EML4: variants seen among roughly 807,000 people sequenced by gnomAD.
EML4 encodes echinoderm microtubule-associated protein-like 4.
Under a neutral mutation model 129.0 loss-of-function variants are expected in EML4, and 72 were observed. The ratio of observed to expected loss-of-function variants is 0.56; its 90% CI spans 0.46 to 0.68. The LOEUF (loss-of-function observed/expected upper bound fraction) is 0.68, where lower values mean the gene tolerates loss of function less well. EML4 is among the 30% of genes least tolerant of loss of function. EML4 has a pLI of 0.00. For synonymous variants in EML4, 532 were observed against 405.0 expected (o/e 1.31, Z -3.77); for missense variants, 1,363 against 1,190.6 (o/e 1.14, Z -2.13).
At chr2:42,239,327 AAC>A (rs1674871237) in intron 1 of EML4, among the ~76,000 whole-genome samples, 1 of 152,216 alleles carries the variant, frequency 6.6e-6, no homozygotes, top group Admixed American at 6.5e-5. Context: ...TTTATAATGA[AAC>A]ACAATATACT....
intron 6 of EML4, among the ~76,000 whole-genome samples, chr2:42,275,046 C>A (rs1047532320): frequency 6.6e-6 from 1 of 152,146 alleles, no homozygotes; most frequent in Non-Finnish European, 1.5e-5. Context: ...ACTGGACTAG[C>A]CTGAGGCCCT....
chr2:42,183,301 G>C (rs1671053301), intron 1 of EML4, among the ~76,000 whole-genome samples: 1 of 152,200 alleles, frequency 6.6e-6, no homozygotes. Flanking sequence ...TATCATGAGG[G>C]GAGATAGACA....
chr2:42,203,748 T>C (rs1401723384), intron 1 of EML4, among the ~76,000 whole-genome samples: 4 of 150,986 alleles, frequency 2.6e-5, no homozygotes, highest in Admixed American at 6.6e-5. Flanking sequence ...ATTGATAATA[T>C]ACTTCTATGC....
At chr2:42,303,769 C>G (rs980015594) in intron 16 of EML4, among the ~76,000 whole-genome samples, 4 of 151,922 alleles carry the variant, frequency 2.6e-5, no homozygotes, top group Non-Finnish European at 4.4e-5. Flanking sequence ...AGTAAAAATA[C>G]AAAAAATTAG....
At chr2:42,228,350 G>C (rs930339128) in intron 1 of EML4, among the ~76,000 whole-genome samples, 4 of 152,196 alleles carry the variant, frequency 2.6e-5, no homozygotes, top group African/African-American at 7.2e-5. Flanking sequence ...GATCGACATA[G>C]TTTTAGGAAT....
intron 17 of EML4, among the ~76,000 whole-genome samples, chr2:42,304,769 AG>A (rs769853489): frequency 2.0e-4 from 30 of 152,216 alleles, no homozygotes; most frequent in Non-Finnish European, 2.4e-4. Flanking sequence ...AGAATACATC[AG>A]AAAACAAAAC....
At chr2:42,306,578 C>T (rs1227310210) in intron 17 of EML4, among the ~76,000 whole-genome samples, 12 of 143,874 alleles carry the variant, frequency 8.3e-5, no homozygotes, top group East Asian at 2.2e-4. Context: ...CAGCAAGTTC[C>T]GCCTCCTGGG....
At chr2:42,188,827 A>T (rs997681209) in intron 1 of EML4, among the ~76,000 whole-genome samples, 1 of 152,048 alleles carries the variant, frequency 6.6e-6, no homozygotes, top group Non-Finnish European at 1.5e-5. Context: ...TGCCCAGCCT[A>T]CTTTTAAAAT....
rs1479338287 is a variant in EML4 at position 42,236,672 on chromosome 2, C to CCT, written c.26-8833_26-8832insCT. The stretch of plus-strand genomic sequence containing the variant: ...ACTCCTACTTTAGGTTAGGGTAACA[C>CCT]AGTGGAATTGCTGGGTCATAGGATG... On this transcript the variant is annotated intron_variant, in intron 1 of 22. Transcript: ENST00000318522. Among the ~76,000 whole-genome samples the CCT allele has an allele frequency of 2.5e-3, 388 of 152,256 alleles. 2 individuals carry two copies. Among genetic ancestry groups the CCT allele is most frequent in the South Asian group, 3.9e-3 (19 of 4,816 alleles).
chr2:42,194,559 AGGCT>A (rs1338833924), intron 1 of EML4, among the ~76,000 whole-genome samples: 3 of 150,690 alleles, frequency 2.0e-5, no homozygotes, highest in Non-Finnish European at 3.0e-5. Flanking sequence ...CCTGTTGCCC[AGGCT>A]GGAGTGCAGT....
chr2:42,276,456 T>A (rs1666662023), intron 6 of EML4, among the ~76,000 whole-genome samples: 1 of 152,178 alleles, frequency 6.6e-6, no homozygotes, highest in Admixed American at 6.5e-5. Flanking sequence ...AATGAATTTG[T>A]GTTGTTTTAA....
chr2:42,305,049 A>G (rs1259933288), intron 17 of EML4, among the ~76,000 whole-genome samples: 4 of 151,980 alleles, frequency 2.6e-5, no homozygotes, highest in African/African-American at 7.2e-5. Flanking sequence ...AACCTGGGAG[A>G]CAGTTGCAGT....
intron 1 of EML4, among the ~76,000 whole-genome samples, chr2:42,188,656 A>T (rs963670709): frequency 1.3e-5 from 2 of 151,568 alleles, no homozygotes; most frequent in South Asian, 4.2e-4. Flanking sequence ...CCTCCCGAGT[A>T]GCAGGGATTA....
chr2:42,214,439 A>ATT (rs11441016), intron 1 of EML4, among the ~76,000 whole-genome samples: 37 of 151,140 alleles, frequency 2.4e-4, no homozygotes, highest in African/African-American at 6.1e-4. Flanking sequence ...TTTACAGCGG[A>ATT]TTTTTTTTTC....
At chr2:42,322,092 A>T (rs2103813337) in intron 19 of EML4, among the ~76,000 whole-genome samples, 1 of 152,364 alleles carries the variant, frequency 6.6e-6, no homozygotes, top group East Asian at 1.9e-4. Flanking sequence ...CATGGTTGGG[A>T]ATAAGCAGAT....
At chr2:42,303,872 C>T (rs1292647115) in intron 16 of EML4, among the ~76,000 whole-genome samples, 3 of 152,184 alleles carry the variant, frequency 2.0e-5, no homozygotes, top group African/African-American at 4.8e-5. Context: ...TTGCAGTGAG[C>T]CGAGATCGTG....
intron 1 of EML4, among the ~76,000 whole-genome samples, chr2:42,174,936 CCTCCCTAGTAGCTGGG>C (rs1670514184): frequency 6.7e-6 from 1 of 150,310 alleles, no homozygotes; most frequent in Admixed American, 6.6e-5. Context: ...TCTGCCTCAG[CCTCCCTAGTAGCTGGG>C]ATTACAGGTG....
intron 1 of EML4, among the ~76,000 whole-genome samples, chr2:42,185,268 T>C (rs904097635): frequency 2.6e-5 from 4 of 152,198 alleles, no homozygotes; most frequent in African/African-American, 7.2e-5. Flanking sequence ...AATAAAAATA[T>C]TGTGACACGT....
chr2:42,304,042 C>A (rs1003904633), intron 16 of EML4, among the ~76,000 whole-genome samples: 6 of 152,188 alleles, frequency 3.9e-5, no homozygotes, highest in African/African-American at 1.4e-4. Context: ...ATTATGGAAA[C>A]ATTTGTGCCT....
Sources: gnomAD v4.1 joint callset for allele counts (sites outside exome capture counted in the v4.1 genomes callset) on GRCh38, gnomAD v4.1.1 for gene constraint, MANE v1.5 for transcripts, NCBI Gene and HGNC (gene_info 2026-07-23, HGNC 2026-07-21) for gene names.